Variants in AFF3 observed in about 807,000 individuals in gnomAD.
AFF3 encodes the protein AF4/FMR2 family member 3.
AFF3 carries 32 observed loss-of-function variants against 129.7 expected under a neutral mutation model. The observed-to-expected ratio is 0.25, with a 90% CI of 0.19 to 0.33. The LOEUF is 0.33. AFF3 is among the 10% of genes least tolerant of loss of function. The probability of loss-of-function intolerance (pLI) is 1.00; values close to 1 mark genes in which losing one functional copy is unlikely to be tolerated. For missense variants in AFF3, 1,373 were observed against 1,592.0 expected, an observed-to-expected ratio of 0.86 and a Z score of 2.34; for synonymous variants, 644 against 635.4, an observed-to-expected ratio of 1.01 and a Z score of -0.20.
At chr2:99,746,010 A>G (rs183780845) in intron 9 of AFF3, among the ~76,000 whole-genome samples, 35 of 152,260 alleles carry the variant, frequency 2.3e-4, no homozygotes, top group African/African-American at 8.2e-4. Flanking sequence ...AAAAAACTAC[A>G]TACTGGGTAC....
intron 13 of AFF3, among the ~76,000 whole-genome samples, chr2:99,637,082 C>T (rs754067818): frequency 2.4e-4 from 36 of 152,156 alleles, no homozygotes; most frequent in South Asian, 6.2e-4. Flanking sequence ...ATGGAGAGGA[C>T]GGGAGTGGGT....
chr2:99,867,055 A>C (rs570277190), intron 7 of AFF3, among the ~76,000 whole-genome samples: 169 of 151,486 alleles, frequency 1.1e-3, no homozygotes, highest in Middle Eastern at 6.9e-3. Context: ...TGGCATTTTC[A>C]GTTTCTATAG....
chr2:100,060,638 C>T (rs776138061), intron 4 of AFF3, among the ~76,000 whole-genome samples: 2 of 151,924 alleles, frequency 1.3e-5, no homozygotes, highest in Non-Finnish European at 2.9e-5. Context: ...AATAGTTTTA[C>T]ATTTAGGGGT....
intron 8 of AFF3, among the ~76,000 whole-genome samples, chr2:99,780,997 A>T (rs1221370518): frequency 6.6e-6 from 1 of 152,154 alleles, no homozygotes; most frequent in Non-Finnish European, 1.5e-5. Flanking sequence ...AAAAACTTCC[A>T]GTGGCTTCTT....
In AFF3 at chr2:99,977,059, T is replaced by C. The variant is rs539432571; in HGVS notation, c.873+29573A>G. Among the ~76,000 whole-genome samples, 6 of 152,324 alleles carry C rather than the reference T, an allele frequency of 3.9e-5. No homozygotes were observed. The South Asian group carries it at 1.2e-3, about 32-fold the overall frequency. The stretch of plus-strand genomic sequence containing the variant: ...TAAATTTCCTGACTTACAGAGTTTA[T>C]GACATTAAACTGAGAGACCAAGGGA... On this transcript the variant is annotated intron_variant, in intron 7 of 24. Transcript: ENST00000672756.
At chr2:100,022,000 G>A (rs1169483830) in intron 4 of AFF3, among the ~76,000 whole-genome samples, 2 of 152,194 alleles carry the variant, frequency 1.3e-5, no homozygotes, top group Admixed American at 6.5e-5. Context: ...GGACATTTCT[G>A]TAACTTCCTT....
intron 15 of AFF3, 126 bp downstream of exon 15, chr2:99,593,069 A>C: frequency 1.8e-6 from 2 of 1,127,606 alleles, no homozygotes; most frequent in Middle Eastern, 3.1e-4. Flanking sequence ...GTAAGGACAC[A>C]CAAAACTCCT....
chr2:100,059,081 C>T (rs977343039), intron 4 of AFF3, among the ~76,000 whole-genome samples: 8 of 151,728 alleles, frequency 5.3e-5, no homozygotes, highest in African/African-American at 1.9e-4. Flanking sequence ...GGTGAAACCC[C>T]ATCTCTATTA....
chr2:99,592,197 C>T (rs972230389), intron 15 of AFF3, among the ~76,000 whole-genome samples: 2 of 152,346 alleles, frequency 1.3e-5, no homozygotes, highest in Non-Finnish European at 2.9e-5. Context: ...CGTTCAGGCT[C>T]TGCTGCCAGA....
At chr2:99,792,846 CTAAGT>C (rs1465341394) in intron 8 of AFF3, among the ~76,000 whole-genome samples, 2 of 152,142 alleles carry the variant, frequency 1.3e-5, no homozygotes, top group Non-Finnish European at 2.9e-5. Flanking sequence ...ATTTAACTAG[CTAAGT>C]TTTGTGAAAG....
intron 2 of AFF3, among the ~76,000 whole-genome samples, chr2:100,120,856 T>C (rs2105556100): frequency 1.3e-5 from 2 of 152,260 alleles, no homozygotes; most frequent in Middle Eastern, 6.8e-3. Context: ...CAGGCTGGTC[T>C]CAAACTTCTG....
At chr2:99,689,916 A>G (rs6715849) in intron 11 of AFF3, among the ~76,000 whole-genome samples, 85,376 of 149,856 alleles carry the variant, frequency 0.57, 24,594 homozygotes, top group East Asian at 0.76. Context: ...GTGAGACCCC[A>G]TCTCTACCAA....
intron 7 of AFF3, among the ~76,000 whole-genome samples, chr2:99,888,099 A>G (rs1295214430): frequency 6.6e-6 from 1 of 152,230 alleles, no homozygotes; most frequent in African/African-American, 2.4e-5. Flanking sequence ...AAATGAGCCT[A>G]ATAGTCACAA....
At chr2:99,579,567 A>G (rs932832387) in intron 17 of AFF3, among the ~76,000 whole-genome samples, 1 of 151,104 alleles carries the variant, frequency 6.6e-6, no homozygotes. Context: ...TAAAAATACA[A>G]AATTTAGCCA....
chr2:99,710,223 T>C (rs909775933), intron 11 of AFF3, among the ~76,000 whole-genome samples: 4 of 152,230 alleles, frequency 2.6e-5, no homozygotes, highest in African/African-American at 9.7e-5. Flanking sequence ...ATAAAGTATT[T>C]AATACAGAGC....
chr2:99,894,429 G>T (rs1693785501), intron 7 of AFF3, among the ~76,000 whole-genome samples: 1 of 151,976 alleles, frequency 6.6e-6, no homozygotes, highest in African/African-American at 2.4e-5. Context: ...TACTTCATCA[G>T]CATTCTGGTT....
At chr2:99,702,073 T>C (rs1181061026) in intron 11 of AFF3, among the ~76,000 whole-genome samples, 9 of 152,266 alleles carry the variant, frequency 5.9e-5, no homozygotes. Context: ...ATAAAGCTGC[T>C]ATGAGCCTTC....
At chr2:99,974,289 G>A (rs371195913) in intron 7 of AFF3, among the ~76,000 whole-genome samples, 2 of 151,984 alleles carry the variant, frequency 1.3e-5, no homozygotes, top group African/African-American at 2.4e-5. Context: ...CCTAGACTTC[G>A]GAAACCTCAG....
At position 99,901,045 on chromosome 2, in the gene AFF3, C is replaced by T. The variant is rs183667965; in HGVS notation, c.874-63521G>A. Among the ~76,000 whole-genome samples the T allele has an allele frequency of 7.9e-4, 121 of 152,346 alleles. 1 individual carries two copies. The East Asian group carries it at 0.017, about 21-fold the overall frequency. On this transcript the variant is annotated intron_variant, in intron 7 of 24. Transcript: ENST00000672756. ...GTCTTTTGAAGAAACAGACTGTGTG[C>T]GTACATGCATGTGTGCATGCCTGCA...
Sources: gnomAD v4.1 joint callset for allele counts (sites outside exome capture counted in the v4.1 genomes callset) on GRCh38, gnomAD v4.1.1 for gene constraint, MANE v1.5 for transcripts, NCBI Gene and HGNC (gene_info 2026-07-23, HGNC 2026-07-21) for gene names.